Variants in VWA8 observed in about 807,000 individuals in gnomAD.
VWA8 encodes von Willebrand factor A domain containing 8.
Under a neutral mutation model 241.5 loss-of-function variants are expected in VWA8, and 221 were observed. The ratio of observed to expected loss-of-function variants is 0.91; its 90% CI spans 0.82 to 1.02. VWA8 has a LOEUF of 1.02. Ranked by LOEUF, VWA8 falls within the 50% of genes least tolerant of loss-of-function variation. The probability of loss-of-function intolerance (pLI) is 0.00; values close to 1 mark genes in which losing one functional copy is unlikely to be tolerated. For missense variants in VWA8, 2,322 were observed against 2,328.7 expected (o/e 1.00, Z 0.06); for synonymous variants, 852 against 827.1 (o/e 1.03, Z -0.52).
chr13:41,771,484 G>A lies in VWA8; in HGVS notation c.2349+6501C>T, dbSNP rs537425163. ...TCAGAACACAACATTCCTAAAATAT[G>A]TTTTGCCTTCAAATATCTGATAAAG... On this transcript the variant is annotated intron_variant, in intron 20 of 44. Transcript: ENST00000379310. Among the ~76,000 whole-genome samples the A allele has an allele frequency of 2.6e-5, 4 of 152,284 alleles. No individual in the cohort carries two copies. The East Asian group carries it at 7.7e-4, about 29-fold the overall frequency.
At chr13:41,611,140 T>A (rs2044585128) in intron 39 of VWA8, among the ~76,000 whole-genome samples, 1 of 152,152 alleles carries the variant, frequency 6.6e-6, no homozygotes, top group African/African-American at 2.4e-5. Flanking sequence ...CCACCTCACA[T>A]CAGCCCACTA....
At chr13:41,769,687 C>A (rs781239647) in intron 20 of VWA8, among the ~76,000 whole-genome samples, 2 of 152,136 alleles carry the variant, frequency 1.3e-5, no homozygotes, top group Non-Finnish European at 2.9e-5. Context: ...TAATACCTAA[C>A]TCTGACATTA....
At position 41,606,877 on chromosome 13, in the gene VWA8, C is replaced by G. The variant is rs138608741; in HGVS notation, c.4878-1601G>C. ...CACATCCTTTGAAGTCTTGCTTGAG[C>G]CCTTGCATAAAGCTGGCCATTCCCT... On this transcript the variant is annotated intron_variant, in intron 39 of 44. Coordinates refer to ENST00000379310, the MANE Select transcript of VWA8 (RefSeq NM_015058.2). Among the ~76,000 whole-genome samples, 620 of 152,282 alleles carry G rather than the reference C, an allele frequency of 4.1e-3. 4 individuals are homozygous for G. In the Middle Eastern group the frequency reaches 0.048, roughly 12 times the overall value.
chr13:41,855,296 G>A (rs947596340), intron 12 of VWA8, among the ~76,000 whole-genome samples: 3 of 144,468 alleles, frequency 2.1e-5, no homozygotes, highest in South Asian at 2.1e-4. Flanking sequence ...GGCCCACCAC[G>A]GGTTTAAATA....
At chr13:41,775,417 T>G (rs1424828520) in intron 20 of VWA8, among the ~76,000 whole-genome samples, 1 of 152,224 alleles carries the variant, frequency 6.6e-6, no homozygotes, top group Admixed American at 6.5e-5. Context: ...GAGTACAAGA[T>G]GGCAAGACAG....
At chr13:41,701,925 T>C (rs185384253) in intron 27 of VWA8, among the ~76,000 whole-genome samples, 1 of 152,208 alleles carries the variant, frequency 6.6e-6, no homozygotes, top group African/African-American at 2.4e-5. Context: ...ATTTCCATTG[T>C]GAAGAAGGAT....
At chr13:41,722,075 T>C (rs551450341) in intron 24 of VWA8, among the ~76,000 whole-genome samples, 1 of 152,316 alleles carries the variant, frequency 6.6e-6, no homozygotes, top group South Asian at 2.1e-4. Flanking sequence ...ATGTTGAGTA[T>C]CTTCAAAAAT....
intron 41 of VWA8, among the ~76,000 whole-genome samples, chr13:41,588,657 G>A (rs2044435304): frequency 6.6e-6 from 1 of 151,586 alleles, no homozygotes; most frequent in Non-Finnish European, 1.5e-5. Flanking sequence ...ATAGTTTGAG[G>A]CTGTAGTGAG....
chr13:41,903,441 G>A (rs1055993776), intron 4 of VWA8, among the ~76,000 whole-genome samples: 2 of 152,128 alleles, frequency 1.3e-5, no homozygotes, highest in African/African-American at 4.8e-5. Context: ...TGGGAGCAGG[G>A]AAATAGGTAA....
intron 12 of VWA8, among the ~76,000 whole-genome samples, chr13:41,839,447 C>T (rs1280523907): frequency 6.6e-6 from 1 of 152,146 alleles, no homozygotes; most frequent in African/African-American, 2.4e-5. Flanking sequence ...GTTGGCTGCT[C>T]ACTCTGATGA....
At chr13:41,629,885 C>T (rs1247486825) in intron 37 of VWA8, among the ~76,000 whole-genome samples, 1 of 152,168 alleles carries the variant, frequency 6.6e-6, no homozygotes, top group African/African-American at 2.4e-5. Flanking sequence ...CCTTCAAATA[C>T]TCAATGACCC....
intron 42 of VWA8, among the ~76,000 whole-genome samples, chr13:41,579,778 T>C (rs2044371076): frequency 6.6e-6 from 1 of 152,260 alleles, no homozygotes; most frequent in South Asian, 2.1e-4. Context: ...TTAGAGAGAC[T>C]AACAGACTTC....
chr13:41,899,904 G>C (rs1357879916), intron 4 of VWA8, among the ~76,000 whole-genome samples: 1 of 152,196 alleles, frequency 6.6e-6, no homozygotes, highest in African/African-American at 2.4e-5. Flanking sequence ...TGCATAGCAT[G>C]TAAGTGTGGG....
chr13:41,819,514 G>A, intron 14 of VWA8, 128 bp from the exon 15 acceptor site: 1 of 1,044,118 alleles, frequency 9.6e-7, no homozygotes, highest in Non-Finnish European at 1.3e-6. Flanking sequence ...TCATCCAAAG[G>A]ATTAGCTTTG....
At chr13:41,903,102 C>G (rs1275065002) in intron 4 of VWA8, among the ~76,000 whole-genome samples, 3 of 152,070 alleles carry the variant, frequency 2.0e-5, no homozygotes, top group Admixed American at 1.3e-4. Flanking sequence ...AATGCAAAGG[C>G]CTTTCGGTGT....
chr13:41,855,365 T>A (rs996463045), intron 12 of VWA8, among the ~76,000 whole-genome samples: 1 of 145,018 alleles, frequency 6.9e-6, no homozygotes, highest in African/African-American at 2.5e-5. Context: ...TTAATATATA[T>A]TAATATTATA....
At chr13:41,635,754 G>T (rs780757502) in intron 37 of VWA8, among the ~76,000 whole-genome samples, 4 of 152,146 alleles carry the variant, frequency 2.6e-5, no homozygotes, top group Non-Finnish European at 4.4e-5. Context: ...GAGGCTAGGG[G>T]TCAGGAGAAG....
intron 12 of VWA8, among the ~76,000 whole-genome samples, chr13:41,847,232 G>A (rs754454922): frequency 2.6e-5 from 4 of 152,086 alleles, no homozygotes; most frequent in Non-Finnish European, 4.4e-5. Context: ...AAGGAGACAG[G>A]AGGAGAAGAA....
intron 37 of VWA8, among the ~76,000 whole-genome samples, chr13:41,649,521 G>C (rs911998036): frequency 6.6e-6 from 1 of 151,974 alleles, no homozygotes; most frequent in Non-Finnish European, 1.5e-5. Context: ...TGGTGAGGTA[G>C]TTTTACTTCG....
Sources: allele counts gnomAD v4.1 joint callset (sites outside exome capture counted in the v4.1 genomes callset), GRCh38; gene constraint gnomAD v4.1.1; transcripts MANE v1.5; gene names NCBI Gene and HGNC (gene_info 2026-07-23, HGNC 2026-07-21).